Variants in PCNX2 observed in about 807,000 individuals in gnomAD.
PCNX2 encodes the protein pecanex-like protein 2.
PCNX2 carries 168 observed loss-of-function variants against 223.8 expected under a neutral mutation model. That is an observed-to-expected ratio of 0.75 (90% CI 0.66 to 0.85). The LOEUF (loss-of-function observed/expected upper bound fraction) is 0.85, where lower values mean the gene tolerates loss of function less well. Ranked by LOEUF, PCNX2 falls within the 40% of genes least tolerant of loss-of-function variation. PCNX2 has a pLI of 0.00. For synonymous variants in PCNX2, 1,006 were observed against 1,052.6 expected (o/e 0.96, Z 0.86); for missense variants, 2,507 against 2,675.5 (o/e 0.94, Z 1.39).
At chr1:233,244,763 G>C (rs74147312) in intron 8 of PCNX2, among the ~76,000 whole-genome samples, 1,598 of 152,214 alleles carry the variant, frequency 0.01, 21 homozygotes, top group African/African-American at 0.037. Context: ...AATTTAATTT[G>C]AGTCTCCACC....
rs186211952 is a variant in PCNX2 at position 233,210,808 on chromosome 1, T to C, written c.2692-2119A>G. ...CTGCTTTTAACCTTAAAATACACTGTAGGGAGCACCAGTGGAATTCAGCTG... is the reference window on the plus strand; with the variant it reads ...CTGCTTTTAACCTTAAAATACACTGCAGGGAGCACCAGTGGAATTCAGCTG... On this transcript the variant is annotated intron_variant, in intron 12 of 33. Coordinates refer to ENST00000258229, the MANE Select transcript of PCNX2 (RefSeq NM_014801.4). Among the ~76,000 whole-genome samples, 28 of 152,248 alleles carry C rather than the reference T, an allele frequency of 1.8e-4. No individual in the cohort carries two copies. The East Asian group carries it at 5.4e-3, about 30-fold the overall frequency.
intron 8 of PCNX2, among the ~76,000 whole-genome samples, chr1:233,240,904 A>G (rs1658723289): frequency 6.6e-6 from 1 of 152,194 alleles, no homozygotes; most frequent in African/African-American, 2.4e-5. Context: ...TCTCACTGAT[A>G]TTGGAAAAAC....
intron 21 of PCNX2, among the ~76,000 whole-genome samples, chr1:233,099,373 C>A (rs922740660): frequency 2.6e-5 from 4 of 152,208 alleles, no homozygotes. Context: ...CAGCCACGTT[C>A]TTTCAGGTAC....
intron 23 of PCNX2, among the ~76,000 whole-genome samples, chr1:233,065,850 A>G (rs923548369): frequency 1.1e-4 from 17 of 152,172 alleles, no homozygotes; most frequent in Admixed American, 9.2e-4. Context: ...AAGGGAGACA[A>G]ATTCCTAGGC....
chr1:233,165,818 T>C lies in PCNX2; in HGVS notation c.3274-4455A>G, dbSNP rs184653500. Among the ~76,000 whole-genome samples the C allele has an allele frequency of 1.4e-4, 22 of 152,252 alleles. 1 individual carries two copies. Among genetic ancestry groups the C allele is most frequent in the East Asian group, 1.2e-3 (6 of 5,186 alleles). On this transcript the variant is annotated intron_variant, in intron 17 of 33. Transcript: ENST00000258229. ...AAACTGATTGATAAATTCAATGAAATTGTAATGAAAATTCTAGCAGAATTT... is the reference window on the plus strand; with the variant it reads ...AAACTGATTGATAAATTCAATGAAACTGTAATGAAAATTCTAGCAGAATTT...
chr1:233,148,929 T>G (rs114016655), intron 19 of PCNX2, among the ~76,000 whole-genome samples: 101 of 152,318 alleles, frequency 6.6e-4, no homozygotes, highest in African/African-American at 2.3e-3. Flanking sequence ...TCCTCAAAGA[T>G]TAAACTCACT....
the PCNX2 span, among the ~76,000 whole-genome samples, chr1:233,302,625 T>A: frequency 2.8e-5 from 4 of 144,144 alleles, no homozygotes; most frequent in African/African-American, 1.0e-4. Flanking sequence ...TCACCTGCAT[T>A]TTTTTGCTTC....
rs1473238244 is a variant in PCNX2 at position 233,236,951 on chromosome 1, G to A, written c.2252C>T (p.Thr751Ile). 1 of 1,613,964 alleles carries A rather than the reference G, an allele frequency of 6.2e-7. No individual in the cohort carries two copies. Among genetic ancestry groups the A allele is most frequent in the East Asian group, 2.2e-5 (1 of 44,868 alleles). Residue 751 changes from threonine (T) to isoleucine (I), a missense_variant, in exon 9 of 34, where the codon ACA (threonine) becomes ATA (isoleucine). By Grantham distance (89) the Thr-to-Ile change is moderately conservative. Coordinates refer to ENST00000258229, the MANE Select transcript of PCNX2 (RefSeq NM_014801.4). ...AGACGGATCTTGACTCTCAGAAGTT[G>A]TGGTACTGGAGGAGCTGACCTGCAT... is the stretch of plus-strand genomic sequence containing the variant. Reference protein sequence around the residue: ...REMQVSSSSTTTSESQDPSSG... With the variant: ...REMQVSSSSTITSESQDPSSG...
intron 21 of PCNX2, among the ~76,000 whole-genome samples, chr1:233,115,298 C>T (rs186457679): frequency 1.7e-3 from 260 of 152,216 alleles, no homozygotes; most frequent in South Asian, 4.6e-3. Flanking sequence ...CTACCCCACA[C>T]CTTACCAGCA....
rs1671807268 is a variant in PCNX2 at position 233,045,895 on chromosome 1, C to G, written c.4351+8373G>C. On this transcript the variant is annotated intron_variant, in intron 25 of 33. Coordinates refer to ENST00000258229, the MANE Select transcript of PCNX2 (RefSeq NM_014801.4). Reference sequence around the variant, plus strand: ...TTCACAGCTGTGGTGTGATTTTAGACTTGGCCCTTGTCCAATAGCTGCAAA... The same window carrying G: ...TTCACAGCTGTGGTGTGATTTTAGAGTTGGCCCTTGTCCAATAGCTGCAAA... 1.3e-5 allele frequency among the ~76,000 whole-genome samples: 2 copies of G among 152,248 alleles called. 1 individual carries two copies. The highest frequency in any genetic ancestry group is 4.1e-4 in the South Asian group (2 of 4,836).
intron 7 of PCNX2, 97 bp from the exon 8 acceptor site, chr1:233,250,929 T>C: frequency 7.5e-7 from 1 of 1,340,172 alleles, no homozygotes; most frequent in Non-Finnish European, 1.0e-6. Flanking sequence ...GAAACTTATT[T>C]TGGTCTGTTA....
At chr1:233,251,952 G>A (rs1389936397) in intron 7 of PCNX2, among the ~76,000 whole-genome samples, 1 of 152,192 alleles carries the variant, frequency 6.6e-6, no homozygotes, top group Admixed American at 6.5e-5. Context: ...GTAAGTACTG[G>A]GCATTGCCCT....
intron 23 of PCNX2, among the ~76,000 whole-genome samples, chr1:233,071,536 C>T (rs992775555): frequency 9.2e-5 from 14 of 152,178 alleles, no homozygotes; most frequent in African/African-American, 3.1e-4. Flanking sequence ...ATATGTACCA[C>T]ATTTTCTTTA....
chr1:233,194,484 G>A (rs372719870), intron 15 of PCNX2, among the ~76,000 whole-genome samples: 29 of 152,156 alleles, frequency 1.9e-4, no homozygotes, highest in South Asian at 1.2e-3. Flanking sequence ...TTAAAATAAC[G>A]TAAAGGAAAT....
chr1:233,172,553 T>G, intron 17 of PCNX2: 1 of 985,336 alleles, frequency 1.0e-6, no homozygotes, highest in Non-Finnish European at 1.2e-6. Context: ...GTGTGGCACT[T>G]TGGTGTCCCA....
At chr1:233,080,407 C>A (rs1449726148) in intron 23 of PCNX2, among the ~76,000 whole-genome samples, 1 of 133,312 alleles carries the variant, frequency 7.5e-6, no homozygotes, top group Non-Finnish European at 1.7e-5. Context: ...CACAAACACA[C>A]ACACACACAC....
intron 1 of PCNX2, chr1:233,292,130 T>C (rs565749890): frequency 1.4e-6 from 1 of 729,166 alleles, no homozygotes; most frequent in East Asian, 1.3e-4. Flanking sequence ...AATAAAAATA[T>C]TTAAAATACT....
intron 21 of PCNX2, among the ~76,000 whole-genome samples, chr1:233,124,973 A>G (rs987675603): frequency 2.6e-5 from 4 of 152,242 alleles, no homozygotes; most frequent in African/African-American, 7.2e-5. Flanking sequence ...CTGATCTGTG[A>G]TCAATGAATA....
chr1:233,036,411 C>T (rs545120080), intron 25 of PCNX2, among the ~76,000 whole-genome samples: 3 of 152,230 alleles, frequency 2.0e-5, no homozygotes, highest in African/African-American at 7.2e-5. Flanking sequence ...GGGTGGATCA[C>T]CTGAGGTCAG....
Sources: gnomAD v4.1 joint callset for allele counts (sites outside exome capture counted in the v4.1 genomes callset) on GRCh38, gnomAD v4.1.1 for gene constraint, MANE v1.5 for transcripts, NCBI Gene and HGNC (gene_info 2026-07-23, HGNC 2026-07-21) for gene names.